The following ARHGAP32 variants were observed in gnomAD, a reference collection of about 807,000 sequenced individuals.
ARHGAP32 encodes Rho GTPase activating protein 32.
Under a neutral mutation model 186.5 loss-of-function variants are expected in ARHGAP32, and 51 were observed. The ratio of observed to expected loss-of-function variants is 0.27; its 90% CI spans 0.22 to 0.35. ARHGAP32 has a LOEUF of 0.35. ARHGAP32 is among the 10% of genes least tolerant of loss of function. The probability of loss-of-function intolerance (pLI) is 1.00; values close to 1 mark genes in which losing one functional copy is unlikely to be tolerated. For synonymous variants in ARHGAP32, 950 were observed against 964.3 expected (o/e 0.99, Z 0.27); for missense variants, 2,186 against 2,623.5 (o/e 0.83, Z 3.64).
chr11:129,204,098 A>T (rs1412314514), intron 1 of ARHGAP32, among the ~76,000 whole-genome samples: 1 of 150,550 alleles, frequency 6.6e-6, no homozygotes, highest in Non-Finnish European at 1.5e-5. Flanking sequence ...TGAGTTAAAA[A>T]TTTGATTGAA....
At chr11:129,227,976 G>A (rs1944808426) in intron 1 of ARHGAP32, among the ~76,000 whole-genome samples, 1 of 152,014 alleles carries the variant, frequency 6.6e-6, no homozygotes, top group Non-Finnish European at 1.5e-5. Context: ...AGAACATGTG[G>A]TAGGTCATAA....
At chr11:129,214,025 G>T (rs1179659588) in intron 1 of ARHGAP32, among the ~76,000 whole-genome samples, 1 of 150,972 alleles carries the variant, frequency 6.6e-6, no homozygotes, top group East Asian at 1.9e-4. Flanking sequence ...GTCTAACCAT[G>T]AGAAAAAAAA....
chr11:129,209,272 T>C (rs1944551021), intron 1 of ARHGAP32, among the ~76,000 whole-genome samples: 1 of 152,072 alleles, frequency 6.6e-6, no homozygotes, highest in Admixed American at 6.6e-5. Context: ...ATTATTTTAA[T>C]TAGAACTTAA....
In ARHGAP32 at chr11:129,090,529, G is replaced by A. The variant is rs566695973; in HGVS notation, c.531+3092C>T. Among the ~76,000 whole-genome samples, 4 of 152,212 alleles carry A rather than the reference G, an allele frequency of 2.6e-5. No individual in the cohort carries two copies. In the South Asian group the frequency reaches 8.3e-4, roughly 32 times the overall value. On this transcript the variant is annotated intron_variant, in intron 6 of 22. Coordinates refer to ENST00000682385, the MANE Select transcript of ARHGAP32 (RefSeq NM_001378024.1). The stretch of plus-strand genomic sequence containing the variant: ...TATCAACTACTATAAAGCTGACAGT[G>A]AAACATTAAAATCCTAAGTATTTTA...
At chr11:129,040,604 A>C (rs1235037859) in intron 11 of ARHGAP32, among the ~76,000 whole-genome samples, 1 of 152,194 alleles carries the variant, frequency 6.6e-6, no homozygotes, top group African/African-American at 2.4e-5. Flanking sequence ...TTAATCCTAC[A>C]ATTTCTATGT....
chr11:128,974,768 T>A lies in ARHGAP32; in HGVS notation c.2429A>T (p.Asp810Val). ...AGGACTACATTGAAATGACATTGGA[T>A]CAAAATCCAGGCTGGCTACTCCAAT... is the stretch of plus-strand genomic sequence containing the variant. Reference protein sequence around the residue: ...PDIGVASLDFDPMSFQCSPPK... With the variant: ...PDIGVASLDFVPMSFQCSPPK... Residue 810 changes from aspartate (D) to valine (V), a missense_variant, in exon 21 of 23, where the codon GAT becomes GTT. Coordinates refer to ENST00000682385, the MANE Select transcript of ARHGAP32 (RefSeq NM_001378024.1). The A allele has an allele frequency of 6.2e-7, 1 of 1,614,100 alleles. No individual in the cohort carries two copies. The highest frequency in any genetic ancestry group is 8.5e-7 in the Non-Finnish European group (1 of 1,179,998).
chr11:129,270,355 G>A (rs989282169), intron 1 of ARHGAP32, among the ~76,000 whole-genome samples: 7 of 152,186 alleles, frequency 4.6e-5, no homozygotes, highest in African/African-American at 7.2e-5. Flanking sequence ...GTTGACAGGG[G>A]CTGGGGAGAG....
intron 1 of ARHGAP32, among the ~76,000 whole-genome samples, chr11:129,213,748 A>AAATAGACACAGTC (rs1159592732): frequency 1.3e-5 from 2 of 152,138 alleles, no homozygotes; most frequent in African/African-American, 4.8e-5. Flanking sequence ...AAAACACTTC[A>AAATAGACACAGTC]AATAGACACA....
intron 5 of ARHGAP32, among the ~76,000 whole-genome samples, chr11:129,110,581 G>A (rs1942180985): frequency 6.6e-6 from 1 of 152,052 alleles, no homozygotes; most frequent in African/African-American, 2.4e-5. Context: ...AGCATGGGAG[G>A]TCTCCATTTG....
rs751866339 is a variant in ARHGAP32 at position 128,973,393 on chromosome 11, A to T, written c.3113T>A (p.Val1038Asp). 6.2e-7 allele frequency: 1 copy of T among 1,614,028 alleles called. No homozygotes were observed. Among genetic ancestry groups the T allele is most frequent in the Non-Finnish European group, 8.5e-7 (1 of 1,180,008 alleles). ...TGGTGGGATAAGAGAGACTGAACTGACAGGAACGGAATCCTGAGGGGGGTC... is the reference window on the plus strand; with the variant it reads ...TGGTGGGATAAGAGAGACTGAACTGTCAGGAACGGAATCCTGAGGGGGGTC... ...THDPPQDSVP[V>D]SSVSLIPPPP... Residue 1038 changes from valine (V) to aspartate (D), a missense_variant, in exon 22 of 23, where the codon GTC becomes GAC. Coordinates refer to ENST00000682385, the MANE Select transcript of ARHGAP32 (RefSeq NM_001378024.1).
Position 129,101,385 on chromosome 11 carries a change from T to A in ARHGAP32, c.445-7678A>T, listed in dbSNP as rs189225654. Among the ~76,000 whole-genome samples the A allele has an allele frequency of 5.9e-5, 9 of 152,174 alleles. No individual in the cohort carries two copies. In the East Asian group the frequency reaches 1.7e-3, roughly 29 times the overall value. Reference sequence around the variant, plus strand: ...CCTGAAATGGAAATAGAATTCAGAATATGCATAGGAATGAAGATCACTGGG... The same window carrying A: ...CCTGAAATGGAAATAGAATTCAGAAAATGCATAGGAATGAAGATCACTGGG... On this transcript the variant is annotated intron_variant, in intron 5 of 22. Coordinates refer to ENST00000682385, the MANE Select transcript of ARHGAP32 (RefSeq NM_001378024.1).
Position 128,969,236 on chromosome 11 carries a change from G to A in ARHGAP32, c.5977C>T (p.Pro1993Ser). ...EEEHLTQSIV[P>S]PPKPERSHSL... ...TGACTCCTCTCTGGTTTAGGGGGTG[G>A]GACGATTGACTGAGTGAGGTGTTCT... The change falls in exon 23 of 23, where the codon CCA becomes TCA. Residue 1993 changes from proline (P) to serine (S), a missense_variant. By Grantham distance (74) the Pro-to-Ser change is moderately conservative. Transcript: ENST00000682385. The surrounding 1 kb of genome is among the most constrained non-coding windows in gnomAD (Gnocchi z 4.8). 1 of 1,614,080 alleles carries A rather than the reference G, an allele frequency of 6.2e-7. No homozygotes were observed. The highest frequency in any genetic ancestry group is 2.2e-5 in the East Asian group (1 of 44,874).
chr11:129,143,657 T>G (rs964120779), intron 2 of ARHGAP32, among the ~76,000 whole-genome samples: 1 of 116,346 alleles, frequency 8.6e-6, no homozygotes, highest in African/African-American at 2.9e-5. Flanking sequence ...CCAACATGGA[T>G]ATGACAAAGA....
At chr11:129,156,807 C>A (rs1277577277) in intron 2 of ARHGAP32, among the ~76,000 whole-genome samples, 1 of 152,222 alleles carries the variant, frequency 6.6e-6, no homozygotes, top group Non-Finnish European at 1.5e-5. Context: ...CAGTAGTCAA[C>A]AGACACCTCA....
rs975000347 is a variant in ARHGAP32, at chr11:129,123,809, G to A, written c.359+79C>T. ...TGTCCATAGAAAAACTGCTATTTTC[G>A]GCAAATGTTATGGAAACTGTGGACA... On this transcript the variant is annotated intron_variant, in intron 4 of 22. Coordinates refer to ENST00000682385, the MANE Select transcript of ARHGAP32 (RefSeq NM_001378024.1). The surrounding 1 kb of genome is among the most constrained non-coding windows in gnomAD (Gnocchi z 4.6). 2.5e-5 allele frequency: 30 copies of A among 1,187,306 alleles called. No homozygotes were observed. The African/African-American group carries it at 3.8e-4, about 15-fold the overall frequency. The allele number at this position is 1,187,306 out of a possible 1,614,324, so 73.5% of individuals were successfully genotyped here.
intron 1 of ARHGAP32, among the ~76,000 whole-genome samples, chr11:129,269,373 T>C (rs1321503911): frequency 6.6e-6 from 1 of 152,100 alleles, no homozygotes; most frequent in East Asian, 1.9e-4. Flanking sequence ...GGGTGCTACA[T>C]ATACAGGTAA....
At position 129,145,303 on chromosome 11, in the gene ARHGAP32, C is replaced by T. The variant is rs184209607; in HGVS notation, c.225+19016G>A. Among the ~76,000 whole-genome samples, 585 of 129,072 alleles carry T rather than the reference C, an allele frequency of 4.5e-3. 4 individuals carry two copies. The highest frequency in any genetic ancestry group is 0.013 in the African/African-American group (516 of 39,476). 84.7% of individuals were successfully genotyped at this position (129,072 alleles called of 152,430 possible). A position where few individuals can be genotyped will look rare whatever the true frequency, so the allele number is the denominator to read the frequency against. ...CATTAGATTTACTAGTAAAAATGTG[C>T]ATGCAATATTTAAAGATATATTATA... On this transcript the variant is annotated intron_variant, in intron 2 of 22. Transcript: ENST00000682385.
In ARHGAP32 at chr11:129,238,068, C is replaced by A. The variant is rs373904881; in HGVS notation, c.-5+41078G>T. ...AAAAGTCAAGTCACCACAGTGCCAGCGGTTTTTGATGACTCAAGGAAAAAT... is the reference window on the plus strand; with the variant it reads ...AAAAGTCAAGTCACCACAGTGCCAGAGGTTTTTGATGACTCAAGGAAAAAT... On this transcript the variant is annotated intron_variant, in intron 1 of 6. Coordinates refer to the ARHGAP32 transcript ENST00000525234. Among the ~76,000 whole-genome samples the A allele has an allele frequency of 6.0e-4, 92 of 152,144 alleles. No individual in the cohort carries two copies. The South Asian group carries it at 0.015, about 24-fold the overall frequency.
rs1945929454 is a variant in ARHGAP32 at position 128,988,049 on chromosome 11, A to G, written c.1272T>C (p.Gly424=). ...GTAGTCTCTGGATATTGGAGGCAAC[A>G]CCAGAAAGGCGATAGATTCCATCCA... ...GIVDGIYRLS[G]VASNIQRLRH... is the part of the protein sequence containing the mutation. The change falls in exon 13 of 23, where the codon GGT becomes GGC. Residue 424 remains glycine, a synonymous_variant. Coordinates refer to ENST00000682385, the MANE Select transcript of ARHGAP32 (RefSeq NM_001378024.1). 1.2e-6 allele frequency: 2 copies of G among 1,613,262 alleles called. No homozygotes were observed. Among genetic ancestry groups the G allele is most frequent in the Non-Finnish European group, 1.7e-6 (2 of 1,179,362 alleles).
Sources: allele counts gnomAD v4.1 joint callset (sites outside exome capture counted in the v4.1 genomes callset), GRCh38; gene constraint gnomAD v4.1.1; non-coding constraint Gnocchi (gnomAD v3.1); transcripts MANE v1.5; gene names NCBI Gene and HGNC (gene_info 2026-07-23, HGNC 2026-07-21).